TGIF1: variants seen among roughly 807,000 people sequenced by gnomAD.
TGIF1 encodes homeobox protein TGIF1.
Under a neutral mutation model 19.3 loss-of-function variants are expected in TGIF1, and 4 were observed. The ratio of observed to expected loss-of-function variants is 0.21; its 90% CI spans 0.10 to 0.47. The LOEUF is 0.47. Among genes scored for constraint, TGIF1 ranks in the 20% least tolerant of loss-of-function variants. The pLI, the probability that TGIF1 is intolerant of heterozygous loss-of-function variation, is 0.98. For synonymous variants in TGIF1, 122 were observed against 129.3 expected (o/e 0.94, Z 0.38); for missense variants, 275 against 341.4 (o/e 0.81, Z 1.53).
intron 2 of TGIF1, among the ~76,000 whole-genome samples, chr18:3,419,007 G>A (rs982912719): frequency 4.6e-5 from 7 of 152,134 alleles, no homozygotes; most frequent in African/African-American, 9.7e-5. Flanking sequence ...GCATTGAGCC[G>A]AGATCGTGCC....
At chr18:3,419,058 CA>C (rs1016622780) in intron 2 of TGIF1, among the ~76,000 whole-genome samples, 6 of 151,340 alleles carry the variant, frequency 4.0e-5, no homozygotes, top group African/African-American at 1.5e-4. Flanking sequence ...AACTCCATCT[CA>C]AAAAAAATTT....
At chr18:3,419,839 C>G (rs1414234847) in intron 2 of TGIF1, among the ~76,000 whole-genome samples, 1 of 152,230 alleles carries the variant, frequency 6.6e-6, no homozygotes, top group African/African-American at 2.4e-5. Context: ...AACCCCTCCT[C>G]TACTAAAAAT....
rs376611985 is a variant in TGIF1, at chr18:3,456,311, G to C, written c.17-43G>C. On this transcript the variant is annotated intron_variant, in intron 1 of 2. Coordinates refer to ENST00000343820, the MANE Select transcript of TGIF1 (RefSeq NM_003244.4). This position sits in a 1 kb window ranked among gnomAD's most constrained non-coding sequence, Gnocchi z 4.2. Reference sequence around the variant, plus strand: ...TTAAGTGAGCTTTGCAATAGTTGCTGTGCTTATAAAGCAACTGACAACTGG... The same window carrying C: ...TTAAGTGAGCTTTGCAATAGTTGCTCTGCTTATAAAGCAACTGACAACTGG... The C allele has an allele frequency of 1.3e-6, 2 of 1,558,768 alleles. No homozygotes were observed. Among genetic ancestry groups the C allele is most frequent in the East Asian group, 2.2e-5 (1 of 44,624 alleles).
chr18:3,450,339 C>G lies in TGIF1; in HGVS notation c.-151C>G. 1 of 1,475,608 alleles carries G rather than the reference C, an allele frequency of 6.8e-7. No homozygotes were observed. The highest frequency in any genetic ancestry group is 9.0e-7 in the Non-Finnish European group (1 of 1,109,300). The allele number at this position is 1,475,608 out of a possible 1,614,324, so 91.4% of individuals were successfully genotyped here. ...CACCCAAGGAGCGGGCGCCTGGGAT[C>G]AGAGCGTCCTGTTTAGCAATAACGG... On this transcript the variant is annotated 5_prime_UTR_variant, in exon 1 of 3. The change creates a new upstream start codon in the 5' untranslated region. Coordinates refer to ENST00000343820, the MANE Select transcript of TGIF1 (RefSeq NM_003244.4).
intron 2 of TGIF1, among the ~76,000 whole-genome samples, chr18:3,429,258 C>T (rs774942990): frequency 3.3e-5 from 5 of 152,012 alleles, no homozygotes; most frequent in Admixed American, 6.6e-5. Flanking sequence ...ACTGGAGTCT[C>T]GCTTTGTTTG....
chr18:3,437,219 C>T (rs2082625188), intron 2 of TGIF1, among the ~76,000 whole-genome samples: 1 of 152,112 alleles, frequency 6.6e-6, no homozygotes, highest in African/African-American at 2.4e-5. Flanking sequence ...TTTTCAAGAA[C>T]AATCGATAGT....
intron 2 of TGIF1, among the ~76,000 whole-genome samples, chr18:3,435,557 A>T (rs968195976): frequency 6.6e-6 from 1 of 152,100 alleles, no homozygotes; most frequent in Admixed American, 6.6e-5. Flanking sequence ...TGCAAACTTC[A>T]TCTTCCTCAA....
At chr18:3,430,665 C>T (rs552197825) in intron 2 of TGIF1, among the ~76,000 whole-genome samples, 44 of 150,660 alleles carry the variant, frequency 2.9e-4, no homozygotes, top group African/African-American at 7.6e-4. Context: ...CCACCACACC[C>T]GGCTAATTTT....
intron 1 of TGIF1, among the ~76,000 whole-genome samples, chr18:3,453,187 C>G (rs2083041279): frequency 6.6e-6 from 1 of 152,134 alleles, no homozygotes; most frequent in Non-Finnish European, 1.5e-5. Flanking sequence ...ATCCTCTCGC[C>G]TTGGCCTCCC....
chr18:3,421,702 G>A lies in TGIF1; in HGVS notation c.-45+3487G>A, dbSNP rs1244924798. Among the ~76,000 whole-genome samples the A allele has an allele frequency of 7.3e-5, 11 of 151,314 alleles. 1 individual carries two copies. The highest frequency in any genetic ancestry group is 8.8e-5 in the Non-Finnish European group (6 of 67,910). On this transcript the variant is annotated intron_variant, in intron 2 of 3. Coordinates refer to the TGIF1 transcript ENST00000401449. ...GTTGGGATTACAGGCGTGAGCCACCGCGCCCATCTATACTATATTTTTAAT... is the reference window on the plus strand; with the variant it reads ...GTTGGGATTACAGGCGTGAGCCACCACGCCCATCTATACTATATTTTTAAT...
At chr18:3,414,754 A>G (rs1028441608) in intron 1 of TGIF1, among the ~76,000 whole-genome samples, 3 of 152,124 alleles carry the variant, frequency 2.0e-5, no homozygotes, top group Non-Finnish European at 2.9e-5. Flanking sequence ...TCAAAACCCC[A>G]TAATATTCTA....
Position 3,457,062 on chromosome 18 carries a change from C to A in TGIF1, c.244-303C>A. On this transcript the variant is annotated intron_variant, in intron 2 of 2. Coordinates refer to ENST00000343820, the MANE Select transcript of TGIF1 (RefSeq NM_003244.4). The surrounding 1 kb of genome is among the most constrained non-coding windows in gnomAD (Gnocchi z 4.9). ...AAATGGGGAGAGTTAAAAAGTAAAC[C>A]TCTCTCTCAAATCATTTTTAAGCAT... 1 of 557,102 alleles carries A rather than the reference C, an allele frequency of 1.8e-6. No individual in the cohort carries two copies. Among genetic ancestry groups the A allele is most frequent in the South Asian group, 2.2e-5 (1 of 45,614 alleles). The allele number at this position is 557,102 out of a possible 1,614,324, so 34.5% of individuals were successfully genotyped here.
intron 2 of TGIF1, chr18:3,418,643 T>C (rs1051729377): frequency 3.9e-5 from 6 of 152,178 alleles, no homozygotes; most frequent in Non-Finnish European, 8.8e-5. Flanking sequence ...ACAGAACCCA[T>C]GGAAACCCAG....
intron 2 of TGIF1, among the ~76,000 whole-genome samples, chr18:3,423,689 A>G (rs555114266): frequency 6.6e-6 from 1 of 151,940 alleles, no homozygotes; most frequent in East Asian, 1.9e-4. Context: ...ATCTCAAAAA[A>G]AAAAGAGTTT....
chr18:3,448,396 T>C, upstream of TGIF1: 2 of 1,010,180 alleles, frequency 2.0e-6, no homozygotes, highest in Non-Finnish European at 2.4e-6. Flanking sequence ...GCCCCCTCCC[T>C]GCGCCACATC....
rs202123354 is a variant in TGIF1 at position 3,452,069 on chromosome 18, G to A, written c.16+1564G>A. The A allele has an allele frequency of 2.5e-4, 408 of 1,613,944 alleles. 4 individuals carry two copies. In the Middle Eastern group the frequency reaches 9.6e-3, roughly 38 times the overall value. ...GGGGCGGCTCTGATTCCTTTCCATG[G>A]CCCGCCTCCCACCCCGGGAATCCCC... is the stretch of plus-strand genomic sequence containing the variant. On this transcript the variant is annotated intron_variant, in intron 1 of 2. Coordinates refer to ENST00000343820, the MANE Select transcript of TGIF1 (RefSeq NM_003244.4).
intron 2 of TGIF1, among the ~76,000 whole-genome samples, chr18:3,429,969 A>C (rs1449765109): frequency 6.6e-6 from 1 of 152,244 alleles, no homozygotes; most frequent in Non-Finnish European, 1.5e-5. Flanking sequence ...AGCCTAGCCA[A>C]CATGGCAAAA....
rs379584 is a variant in TGIF1 at position 3,458,528 on chromosome 18, C to T, written c.*588C>T. 0.04 allele frequency: 6,294 copies of T among 155,432 alleles called. 331 individuals are homozygous for T. The highest frequency in any genetic ancestry group is 0.12 in the African/African-American group (4,858 of 41,486). 9.6% of individuals were successfully genotyped at this position (155,432 alleles called of 1,614,324 possible). On this transcript the variant is annotated 3_prime_UTR_variant, in exon 3 of 3. Coordinates refer to ENST00000343820, the MANE Select transcript of TGIF1 (RefSeq NM_003244.4). Reference sequence around the variant, plus strand: ...AGGGTGCAGTGTTAGGGGGTGTCACCAGCTCTTTGAAAACCTGTGGACAAC... The same window carrying T: ...AGGGTGCAGTGTTAGGGGGTGTCACTAGCTCTTTGAAAACCTGTGGACAAC...
upstream of TGIF1, chr18:3,449,270 A>T: frequency 2.4e-6 from 1 of 423,332 alleles, no homozygotes; most frequent in Non-Finnish European, 3.2e-6. Context: ...GACACTGTTG[A>T]CCGAAACAGA....
Sources: gnomAD v4.1 joint callset for allele counts (sites outside exome capture counted in the v4.1 genomes callset) on GRCh38, gnomAD v4.1.1 for gene constraint, Gnocchi (gnomAD v3.1) non-coding constraint, MANE v1.5 for transcripts, NCBI Gene and HGNC (gene_info 2026-07-23, HGNC 2026-07-21) for gene names.